The following IL1RAPL1 variants were observed in gnomAD, a reference collection of about 807,000 sequenced individuals.
The protein encoded by IL1RAPL1 is interleukin-1 receptor accessory protein-like 1.
A neutral mutation model predicts 48.4 loss-of-function variants in IL1RAPL1; 3 were observed. The observed-to-expected ratio is 0.06, with a 90% CI of 0.03 to 0.16. The LOEUF (loss-of-function observed/expected upper bound fraction) is 0.16. IL1RAPL1 is among the 10% of genes least tolerant of loss of function. The probability of loss-of-function intolerance (pLI) is 1.00; values close to 1 mark genes in which losing one functional copy is unlikely to be tolerated. For missense variants in IL1RAPL1, 349 were observed against 530.6 expected, an observed-to-expected ratio of 0.66 and a Z score of 3.36; for synonymous variants, 185 against 187.7, an observed-to-expected ratio of 0.99 and a Z score of 0.12.
intron 6 of IL1RAPL1, among the ~76,000 whole-genome samples, chrX:29,756,847 G>A (rs1928631906): frequency 8.9e-6 from 1 of 112,226 alleles, no homozygotes; most frequent in Non-Finnish European, 1.9e-5. Context: ...GTGAGGTTAT[G>A]CTGGTGTAGG....
chrX:29,621,950 C>T (rs1371974564), intron 5 of IL1RAPL1, among the ~76,000 whole-genome samples: 1 of 111,813 alleles, frequency 8.9e-6, no homozygotes, highest in Non-Finnish European at 1.9e-5. Context: ...TGGTAACAAC[C>T]AATATGCTAT....
intron 2 of IL1RAPL1, among the ~76,000 whole-genome samples, chrX:28,976,293 A>G (rs1925206565): frequency 8.9e-6 from 1 of 112,045 alleles, no homozygotes; most frequent in African/African-American, 3.2e-5. Flanking sequence ...AGTTCAGGCC[A>G]GAAATGATGA....
intron 2 of IL1RAPL1, among the ~76,000 whole-genome samples, chrX:28,991,092 G>C (rs1925592323): frequency 8.9e-6 from 1 of 111,745 alleles, no homozygotes; most frequent in South Asian, 3.7e-4. Context: ...CTATGATTCT[G>C]TTCTAAATGT....
intron 5 of IL1RAPL1, among the ~76,000 whole-genome samples, chrX:29,406,653 T>G (rs1934075945): frequency 9.0e-6 from 1 of 111,066 alleles, no homozygotes; most frequent in Admixed American, 9.5e-5. Flanking sequence ...CATAAACCTT[T>G]TCATTTCCTA....
At chrX:29,197,078 T>C (rs1569257363) in intron 2 of IL1RAPL1, among the ~76,000 whole-genome samples, 1 of 110,860 alleles carries the variant, frequency 9.0e-6, no homozygotes, top group Non-Finnish European at 1.9e-5. Context: ...TTCAGTCTTG[T>C]TGGCCCTTTA....
chrX:29,734,484 G>A (rs1927999073), intron 6 of IL1RAPL1, among the ~76,000 whole-genome samples: 1 of 111,796 alleles, frequency 8.9e-6, no homozygotes, highest in Admixed American at 9.5e-5. Context: ...CCACACTCCA[G>A]CTCCCCAACT....
At chrX:29,478,262 T>C (rs1026998114) in intron 5 of IL1RAPL1, among the ~76,000 whole-genome samples, 1 of 112,277 alleles carries the variant, frequency 8.9e-6, no homozygotes, top group Admixed American at 9.4e-5. Context: ...TCCATTCAAC[T>C]AGTTGCTTAG....
At chrX:28,864,261 G>A (rs191954940) in intron 2 of IL1RAPL1, among the ~76,000 whole-genome samples, 106 of 111,664 alleles carry the variant, frequency 9.5e-4, no homozygotes, top group Non-Finnish European at 1.7e-3. Context: ...ACTTTTTAAT[G>A]TATCTTTTTA....
chrX:29,404,756 C>T (rs1168464613), intron 5 of IL1RAPL1, among the ~76,000 whole-genome samples: 1 of 111,939 alleles, frequency 8.9e-6, no homozygotes, highest in Non-Finnish European at 1.9e-5. Context: ...CTATTCCATA[C>T]ACTTTTCTTC....
chrX:29,688,754 C>CTCTCTCTCTCTCTCTCTCTCTCTCTG (rs58405949), intron 6 of IL1RAPL1, among the ~76,000 whole-genome samples: 1 of 103,902 alleles, frequency 9.6e-6, no homozygotes, highest in African/African-American at 3.8e-5. Flanking sequence ...CTCTCTCTCT[C>CTCTCTCTCTCTCTCTCTCTCTCTCTG]TGTGTGTGTC....
At chrX:28,855,505 T>C in intron 2 of IL1RAPL1, among the ~76,000 whole-genome samples, 1 of 112,064 alleles carries the variant, frequency 8.9e-6, no homozygotes. Flanking sequence ...TTATTTTTCC[T>C]TTAAATTTAT....
chrX:29,642,289 C>T (rs1347647712), intron 5 of IL1RAPL1, among the ~76,000 whole-genome samples: 1 of 111,983 alleles, frequency 8.9e-6, no homozygotes, highest in African/African-American at 3.2e-5. Flanking sequence ...TTCTAACGTT[C>T]TCTTTTACGA....
At chrX:29,331,160 C>T (rs906728182) in intron 3 of IL1RAPL1, among the ~76,000 whole-genome samples, 13 of 111,548 alleles carry the variant, frequency 1.2e-4, no homozygotes, top group Admixed American at 1.1e-3. Context: ...CAGAGCGAAA[C>T]TCCGTCTAAA....
chrX:28,709,024 A>T (rs1485836599), intron 1 of IL1RAPL1, among the ~76,000 whole-genome samples: 1 of 112,253 alleles, frequency 8.9e-6, no homozygotes, highest in Non-Finnish European at 1.9e-5. Context: ...GTGCAAAAAA[A>T]GTCCTTAAGG....
intron 2 of IL1RAPL1, among the ~76,000 whole-genome samples, chrX:29,267,158 G>T (rs1253035406): frequency 8.9e-6 from 1 of 111,853 alleles, no homozygotes; most frequent in African/African-American, 3.3e-5. Context: ...GTGTTAACCT[G>T]CCTTTTCTCA....
chrX:29,831,969 T>C (rs1266262217), intron 6 of IL1RAPL1, among the ~76,000 whole-genome samples: 1 of 111,842 alleles, frequency 8.9e-6, no homozygotes, highest in Non-Finnish European at 1.9e-5. Flanking sequence ...AGTTCAGTTT[T>C]AGGTATTGCT....
intron 1 of IL1RAPL1, among the ~76,000 whole-genome samples, chrX:28,708,460 C>A (rs1935400971): frequency 9.0e-6 from 1 of 111,246 alleles, no homozygotes; most frequent in Non-Finnish European, 1.9e-5. Context: ...GATCCAGCTG[C>A]TTAATATCCA....
rs928564732 is a variant in IL1RAPL1, at chrX:28,999,474, G to A, written c.82+210049G>A. Among the ~76,000 whole-genome samples, 11 of 111,263 alleles carry A rather than the reference G, an allele frequency of 9.9e-5. No individual in the cohort carries two copies. The Admixed American group carries it at 1.1e-3, about 11-fold the overall frequency. On this transcript the variant is annotated intron_variant, in intron 2 of 10. Transcript: ENST00000378993. ...CTCCAGGCACTGTATGCTTTTTGAG[G>A]TAATACAACCTCTTCATTTTCCTGT... is the stretch of plus-strand genomic sequence containing the variant.
intron 3 of IL1RAPL1, among the ~76,000 whole-genome samples, chrX:29,355,144 T>G (rs1933284958): frequency 8.9e-6 from 1 of 112,049 alleles, no homozygotes; most frequent in Non-Finnish European, 1.9e-5. Flanking sequence ...AAATGAAAAT[T>G]TACGTTATAA....
Sources: allele counts gnomAD v4.1 joint callset (sites outside exome capture counted in the v4.1 genomes callset), GRCh38; gene constraint gnomAD v4.1.1; transcripts MANE v1.5; gene names NCBI Gene and HGNC (gene_info 2026-07-23, HGNC 2026-07-21).